The following SLC22A13 variants were observed in gnomAD, a reference collection of about 807,000 sequenced individuals.
The protein encoded by SLC22A13 is organic anion transporter 10.
In SLC22A13, 42 loss-of-function variants were observed where a neutral mutation model predicts 49.1. That is an observed-to-expected ratio of 0.85 (90% CI 0.67 to 1.11). The LOEUF (loss-of-function observed/expected upper bound fraction) is 1.11. SLC22A13 is among the 50% of genes least tolerant of loss of function. The pLI, the probability that SLC22A13 is intolerant of heterozygous loss-of-function variation, is 0.00. For missense variants in SLC22A13, 694 were observed against 712.8 expected, an observed-to-expected ratio of 0.97 and a Z score of 0.30; for synonymous variants, 282 against 293.1, an observed-to-expected ratio of 0.96 and a Z score of 0.39.
chr3:38,275,113 G>C lies in SLC22A13; in HGVS notation c.762G>C (p.Gln254His), dbSNP rs1232131435. The C allele has an allele frequency of 2.5e-6, 4 of 1,614,138 alleles. No individual in the cohort carries two copies. The African/African-American group carries it at 4.0e-5, about 16-fold the overall frequency. Residue 254 changes from glutamine (Q) to histidine (H), a missense_variant, in exon 4 of 10, where the codon CAG (glutamine) becomes CAC (histidine). Coordinates refer to ENST00000311856, the MANE Select transcript of SLC22A13 (RefSeq NM_004256.4). Reference protein sequence around the residue: ...AYGFRNWRLLQITGTAPGLLL... With the variant: ...AYGFRNWRLLHITGTAPGLLL... ...GTTTCCGCAACTGGAGGCTCCTTCA[G>C]ATCACCGGCACTGCGCCTGGCTTAC...
intron 1 of SLC22A13, among the ~76,000 whole-genome samples, chr3:38,271,003 A>G (rs3805041): frequency 0.11 from 16,995 of 152,148 alleles, 1,894 homozygotes; most frequent in African/African-American, 0.29. Flanking sequence ...TCCCAAGCTC[A>G]GTTCCAGAGT....
rs781328122 is a variant in SLC22A13, at chr3:38,275,029, G to A, written c.678G>A (p.Val226=). The change falls in exon 4 of 10, where the codon GTG becomes GTA. Residue 226 remains valine (V), a synonymous_variant. Coordinates refer to ENST00000311856, the MANE Select transcript of SLC22A13 (RefSeq NM_004256.4). ...WVGPSWRTQA[V]VLAQCNFSLG... is the part of the protein sequence containing the mutation. The stretch of plus-strand genomic sequence containing the variant: ...GGCCCTCATGGAGGACGCAGGCCGT[G>A]GTCCTGGCCCAGTGCAACTTCTCCC... 14 of 1,614,108 alleles carry A rather than the reference G, an allele frequency of 8.7e-6. No homozygotes were observed. Among genetic ancestry groups the A allele is most frequent in the Non-Finnish European group, 1.2e-5 (14 of 1,180,042 alleles).
intron 1 of SLC22A13, among the ~76,000 whole-genome samples, chr3:38,268,959 A>C (rs1358220867): frequency 6.6e-6 from 1 of 152,136 alleles, no homozygotes; most frequent in South Asian, 2.1e-4. Flanking sequence ...CAAACAAACA[A>C]ACAAACAAAA....
chr3:38,276,611 G>A (rs529883139), intron 8 of SLC22A13, among the ~76,000 whole-genome samples: 59 of 152,326 alleles, frequency 3.9e-4, no homozygotes, highest in Admixed American at 1.4e-3. Context: ...TGCCCTGGCG[G>A]TCAGGACAGG....
At chr3:38,276,481 A>C in intron 8 of SLC22A13, 86 bp downstream of exon 8, 1 of 937,110 alleles carries the variant, frequency 1.1e-6, no homozygotes, top group Non-Finnish European at 1.7e-6. Flanking sequence ...CATTCCACAA[A>C]TAGCTGACAG....
At chr3:38,274,789 A>G in intron 3 of SLC22A13, 31 bp downstream of exon 3, 1 of 1,600,100 alleles carries the variant, frequency 6.2e-7, no homozygotes, top group Non-Finnish European at 8.5e-7. Flanking sequence ...GCCTTCAGCC[A>G]TAGGGTGAGG....
intron 1 of SLC22A13, 130 bp downstream of exon 1, chr3:38,266,368 T>G: frequency 9.2e-7 from 1 of 1,091,374 alleles, no homozygotes; most frequent in Non-Finnish European, 1.3e-6. Flanking sequence ...GCACATATGT[T>G]TTTCATTTTG....
chr3:38,276,468 C>T, intron 8 of SLC22A13, 73 bp downstream of exon 8: 1 of 1,062,858 alleles, frequency 9.4e-7, no homozygotes, highest in Non-Finnish European at 1.4e-6. Flanking sequence ...TCGGCCCTCA[C>T]CCCATTCCAC....
chr3:38,274,482 T>C (rs1029953029), intron 2 of SLC22A13, 107 bp downstream of exon 2: 2 of 1,439,156 alleles, frequency 1.4e-6, no homozygotes, highest in African/African-American at 2.8e-5. Flanking sequence ...AAGGCCCTCT[T>C]CCCCCTACCC....
intron 1 of SLC22A13, 117 bp from the exon 2 acceptor site, chr3:38,274,155 C>A: frequency 1.3e-6 from 1 of 749,552 alleles, no homozygotes; most frequent in Non-Finnish European, 2.4e-6. Flanking sequence ...TGGAGTGCCT[C>A]AGTACACAGT....
In SLC22A13 at chr3:38,275,046, A is replaced by G. The variant is rs141170540; in HGVS notation, c.695A>G (p.Asn232Ser). The G allele has an allele frequency of 1.3e-4, 206 of 1,614,094 alleles. No homozygotes were observed. The highest frequency in any genetic ancestry group is 1.5e-4 in the Non-Finnish European group (176 of 1,180,034). The stretch of plus-strand genomic sequence containing the variant: ...CAGGCCGTGGTCCTGGCCCAGTGCA[A>G]CTTCTCCCTCGGGCAGATGGTGCTT... The part of the protein sequence containing the change: ...RTQAVVLAQC[N>S]FSLGQMVLAG... Residue 232 changes from asparagine (N) to serine (S), a missense_variant, in exon 4 of 10, where the codon AAC (asparagine) becomes AGC (serine). By Grantham distance (46) the Asn-to-Ser change is conservative (BLOSUM62 1). Transcript: ENST00000311856.
At chr3:38,274,575 C>T in intron 2 of SLC22A13, 29 bp from the exon 3 acceptor site, 8 of 1,606,998 alleles carry the variant, frequency 5.0e-6, no homozygotes, top group South Asian at 1.1e-5. Context: ...GGGAGGGACC[C>T]TCCCCACAGA....
chr3:38,267,002 C>A (rs1034927678), intron 1 of SLC22A13, among the ~76,000 whole-genome samples: 3 of 152,158 alleles, frequency 2.0e-5, no homozygotes, highest in Non-Finnish European at 4.4e-5. Flanking sequence ...CTGGGGCTCT[C>A]ATGCCAGATA....
rs147116417 is a variant in SLC22A13 at position 38,277,393 on chromosome 3, A to G, written c.1584A>G (p.Ser528=). Residue 528 remains serine (S), a synonymous_variant, in exon 10 of 10, where the codon TCA becomes TCG. Transcript: ENST00000311856. The part of the protein sequence containing the change: ...PHPRSPKSVP[S]EKETEAKGRT... The stretch of plus-strand genomic sequence containing the variant: ...CTAGGTCCCCCAAATCAGTGCCCTC[A>G]GAGAAGGAAACAGAGGCCAAGGGAA... The G allele has an allele frequency of 6.5e-5, 105 of 1,614,054 alleles. No individual in the cohort carries two copies. The African/African-American group carries it at 1.3e-3, about 20-fold the overall frequency.
chr3:38,275,349 A>C, intron 4 of SLC22A13, 21 bp from the exon 5 acceptor site: 1 of 1,614,116 alleles, frequency 6.2e-7, no homozygotes, highest in Non-Finnish European at 8.5e-7. Context: ...CCCCAAGGTC[A>C]TAGCCGTTGC....
In SLC22A13 at chr3:38,276,831, C is replaced by G. The variant is rs538899907; in HGVS notation, c.1347-81C>G. On this transcript the variant is annotated intron_variant, in intron 8 of 9. Coordinates refer to ENST00000311856, the MANE Select transcript of SLC22A13 (RefSeq NM_004256.4). ...CCTGCAGACCTTTGAGGTCTGGACTCTCCCGAGGAAATATACTAGGGTGAA... is the reference window on the plus strand; with the variant it reads ...CCTGCAGACCTTTGAGGTCTGGACTGTCCCGAGGAAATATACTAGGGTGAA... The G allele has an allele frequency of 3.1e-6, 4 of 1,281,852 alleles. No individual in the cohort carries two copies. The East Asian group carries it at 7.5e-5, about 24-fold the overall frequency. 79.4% of individuals were successfully genotyped at this position (1,281,852 alleles called of 1,614,324 possible).
intron 1 of SLC22A13, among the ~76,000 whole-genome samples, chr3:38,273,842 A>G (rs1223447123): frequency 6.6e-6 from 1 of 152,240 alleles, no homozygotes; most frequent in Non-Finnish European, 1.5e-5. Context: ...GATAAGATGT[A>G]TGCACTTACT....
At chr3:38,269,353 G>A (rs1703495780) in intron 1 of SLC22A13, among the ~76,000 whole-genome samples, 1 of 152,040 alleles carries the variant, frequency 6.6e-6, no homozygotes, top group Non-Finnish European at 1.5e-5. Flanking sequence ...CACCTCCTGG[G>A]TTCAAGTGAT....
Position 38,275,431 on chromosome 3 carries a change from C to G in SLC22A13, c.868C>G (p.Leu290Val), listed in dbSNP as rs748821782. Reference sequence around the variant, plus strand: ...TGGGAGGATGGACGAGGCGATACAACTGATCCAGAAGGCGGCCTCGGTCAA... The same window carrying G: ...TGGGAGGATGGACGAGGCGATACAAGTGATCCAGAAGGCGGCCTCGGTCAA... ...TRGRMDEAIQ[L>V]IQKAASVNRR... The change falls in exon 5 of 10, where the codon CTG becomes GTG. Residue 290 changes from leucine to valine, a missense_variant. By Grantham distance (32) the Leu-to-Val change is conservative. Transcript: ENST00000311856. 1.7e-5 allele frequency: 28 copies of G among 1,614,100 alleles called. No homozygotes were observed. Among genetic ancestry groups the G allele is most frequent in the Non-Finnish European group, 2.4e-5 (28 of 1,180,042 alleles).
Sources: gnomAD v4.1 joint callset for allele counts (sites outside exome capture counted in the v4.1 genomes callset) on GRCh38, gnomAD v4.1.1 for gene constraint, MANE v1.5 for transcripts, NCBI Gene and HGNC (gene_info 2026-07-23, HGNC 2026-07-21) for gene names.